The following SLC8A1 variants were observed in gnomAD, a reference collection of about 807,000 sequenced individuals.
SLC8A1 encodes sodium/calcium exchanger 1.
Under a neutral mutation model 68.3 loss-of-function variants are expected in SLC8A1, and 18 were observed. The ratio of observed to expected loss-of-function variants is 0.26; its 90% CI spans 0.18 to 0.39. The LOEUF (loss-of-function observed/expected upper bound fraction) is 0.39. Among genes scored for constraint, SLC8A1 ranks in the 10% least tolerant of loss-of-function variants. The pLI, the probability that SLC8A1 is intolerant of heterozygous loss-of-function variation, is 1.00. For synonymous variants in SLC8A1, 475 were observed against 415.5 expected (o/e 1.14, Z -1.74); for missense variants, 985 against 1,156.7 (o/e 0.85, Z 2.15).
intron 1 of SLC8A1, among the ~76,000 whole-genome samples, chr2:40,437,839 CTG>C (rs1333534755): frequency 2.6e-5 from 4 of 152,046 alleles, no homozygotes; most frequent in Non-Finnish European, 5.9e-5. Flanking sequence ...ATGCCAGACA[CTG>C]TGTTTCAAAG....
At chr2:40,437,215 G>A (rs1343904186) in intron 1 of SLC8A1, among the ~76,000 whole-genome samples, 3 of 152,018 alleles carry the variant, frequency 2.0e-5, no homozygotes, top group African/African-American at 4.8e-5. Flanking sequence ...TTATTTTCAC[G>A]ACAATAAGTT....
At chr2:40,232,147 T>A (rs1295287240) in intron 2 of SLC8A1, among the ~76,000 whole-genome samples, 1 of 152,002 alleles carries the variant, frequency 6.6e-6, no homozygotes, top group African/African-American at 2.4e-5. Context: ...AGGATCAGGA[T>A]CTAGTAAACG....
intron 1 of SLC8A1, among the ~76,000 whole-genome samples, chr2:40,440,252 G>T (rs930137326): frequency 1.3e-5 from 2 of 152,114 alleles, no homozygotes; most frequent in African/African-American, 4.8e-5. Context: ...GACACTGCTA[G>T]ATTATTGTCT....
intron 1 of SLC8A1, among the ~76,000 whole-genome samples, chr2:40,447,057 A>G (rs1056817885): frequency 8.5e-5 from 13 of 152,206 alleles, no homozygotes; most frequent in African/African-American, 3.1e-4. Context: ...CCATGCAATG[A>G]TATCAACAAA....
chr2:40,367,624 C>T (rs532382544), intron 2 of SLC8A1, among the ~76,000 whole-genome samples: 5 of 152,064 alleles, frequency 3.3e-5, no homozygotes, highest in Admixed American at 6.6e-5. Flanking sequence ...TGTGCTGCTC[C>T]GCCATAATTG....
chr2:40,356,782 A>T (rs902950370), intron 2 of SLC8A1, among the ~76,000 whole-genome samples: 2 of 152,170 alleles, frequency 1.3e-5, no homozygotes, highest in Admixed American at 6.5e-5. Flanking sequence ...AACTCTCCCA[A>T]CTCTGCAGCT....
At chr2:40,468,458 T>A (rs1703818896) in intron 1 of SLC8A1, among the ~76,000 whole-genome samples, 1 of 152,162 alleles carries the variant, frequency 6.6e-6, no homozygotes, top group Non-Finnish European at 1.5e-5. Flanking sequence ...GCACGGCTCA[T>A]TAAGTTTAAA....
chr2:40,470,672 A>G (rs1559753530), intron 1 of SLC8A1, among the ~76,000 whole-genome samples: 2 of 151,992 alleles, frequency 1.3e-5, no homozygotes, highest in African/African-American at 2.4e-5. Flanking sequence ...ATAGAAAAAA[A>G]TAAAAGACTA....
At chr2:40,104,739 A>T (rs2034092874) in exon 8 of SLC8A1, 4 of 152,194 alleles carry the variant, frequency 2.6e-5, no homozygotes. Context: ...TTGATTTATG[A>T]AATTGTACAT....
chr2:40,384,623 T>G (rs1219868868), intron 2 of SLC8A1, among the ~76,000 whole-genome samples: 1 of 152,150 alleles, frequency 6.6e-6, no homozygotes, highest in Non-Finnish European at 1.5e-5. Context: ...TTCAAGATAT[T>G]ATAGTTGTAT....
upstream of SLC8A1, among the ~76,000 whole-genome samples, chr2:40,455,694 T>C (rs1178810258): frequency 6.6e-6 from 1 of 152,200 alleles, no homozygotes; most frequent in Non-Finnish European, 1.5e-5. Flanking sequence ...CAGGGTTCTT[T>C]GCTTTGGGGA....
At chr2:40,322,848 ACAC>A in intron 2 of SLC8A1, among the ~76,000 whole-genome samples, 1 of 149,318 alleles carries the variant, frequency 6.7e-6, no homozygotes. Flanking sequence ...ACACACACAC[ACAC>A]CACACACACC....
intron 1 of SLC8A1, among the ~76,000 whole-genome samples, chr2:40,474,514 T>A (rs930320160): frequency 1.3e-5 from 2 of 152,188 alleles, no homozygotes; most frequent in Non-Finnish European, 2.9e-5. Context: ...AATGTCAGCT[T>A]CCCCGTTTTC....
At position 40,506,728 on chromosome 2, in the gene SLC8A1, G is replaced by A. The variant is rs571675877; in HGVS notation, c.-25+5621C>T. 1.7e-3 allele frequency among the ~76,000 whole-genome samples: 255 copies of A among 151,854 alleles called. 2 individuals carry two copies. The highest frequency in any genetic ancestry group is 5.9e-3 in the African/African-American group (244 of 41,472). Reference sequence around the variant, plus strand: ...TTTTCCTTTCCCCTGCCTGTAGTAGGGCAGTAGATATTTATCTTTTTAAGC... The same window carrying A: ...TTTTCCTTTCCCCTGCCTGTAGTAGAGCAGTAGATATTTATCTTTTTAAGC... On this transcript the variant is annotated intron_variant, in intron 1 of 7. Coordinates refer to the SLC8A1 transcript ENST00000402441.
At chr2:40,392,081 A>AAG (rs35754930) in intron 2 of SLC8A1, among the ~76,000 whole-genome samples, 7 of 151,246 alleles carry the variant, frequency 4.6e-5, no homozygotes, top group Admixed American at 6.6e-5. Flanking sequence ...GGAAGGAAGG[A>AAG]GAAAAATAAA....
intron 2 of SLC8A1, among the ~76,000 whole-genome samples, chr2:40,422,388 C>G (rs114122505): frequency 6.6e-6 from 1 of 152,140 alleles, no homozygotes; most frequent in Non-Finnish European, 1.5e-5. Flanking sequence ...TTTTCCACAT[C>G]TCAGCTTTGT....
intron 2 of SLC8A1, among the ~76,000 whole-genome samples, chr2:40,390,768 G>A (rs1685006255): frequency 6.6e-6 from 1 of 152,066 alleles, no homozygotes; most frequent in Non-Finnish European, 1.5e-5. Flanking sequence ...TCAGGGGACT[G>A]CATCCATTTC....
chr2:40,137,492 A>G (rs1040029702), intron 7 of SLC8A1, among the ~76,000 whole-genome samples: 2 of 152,314 alleles, frequency 1.3e-5, no homozygotes, highest in African/African-American at 4.8e-5. Flanking sequence ...ACACAATGTG[A>G]TTCAGTGACT....
intron 2 of SLC8A1, among the ~76,000 whole-genome samples, chr2:40,384,151 G>T: frequency 6.6e-6 from 1 of 151,944 alleles, no homozygotes; most frequent in Middle Eastern, 3.4e-3. Flanking sequence ...AGCTACTCAG[G>T]AGGCTGACAC....
Sources: gnomAD v4.1 joint callset for allele counts (sites outside exome capture counted in the v4.1 genomes callset) on GRCh38, gnomAD v4.1.1 for gene constraint, MANE v1.5 for transcripts, NCBI Gene and HGNC (gene_info 2026-07-23, HGNC 2026-07-21) for gene names.